CDH18: variants seen among roughly 807,000 people sequenced by gnomAD.
CDH18 encodes the protein cadherin-18.
CDH18 carries 31 observed loss-of-function variants against 67.9 expected under a neutral mutation model. The observed-to-expected ratio is 0.46, with a 90% CI of 0.34 to 0.62. The LOEUF is 0.62. Among genes scored for constraint, CDH18 ranks in the 20% least tolerant of loss-of-function variants. CDH18 has a pLI of 0.01. For synonymous variants in CDH18, 362 were observed against 347.2 expected (o/e 1.04, Z -0.48); for missense variants, 890 against 975.5 (o/e 0.91, Z 1.17).
chr5:20,058,221 A>C (rs528163241), intron 2 of CDH18, among the ~76,000 whole-genome samples: 5 of 152,158 alleles, frequency 3.3e-5, no homozygotes, highest in Non-Finnish European at 7.4e-5. Context: ...ACTATCTTTA[A>C]GCACAAAAAA....
intron 2 of CDH18, among the ~76,000 whole-genome samples, chr5:20,244,799 T>C (rs1743250123): frequency 6.6e-6 from 1 of 152,070 alleles, no homozygotes; most frequent in African/African-American, 2.4e-5. Flanking sequence ...TGCATTCAAC[T>C]TGAAAAATTA....
intron 2 of CDH18, among the ~76,000 whole-genome samples, chr5:19,972,723 T>C (rs1798143458): frequency 6.6e-6 from 1 of 151,968 alleles, no homozygotes; most frequent in Non-Finnish European, 1.5e-5. Context: ...TCTTTATCTA[T>C]TAAAGCTGAA....
At chr5:19,932,081 G>T (rs1351246942) in intron 2 of CDH18, among the ~76,000 whole-genome samples, 1 of 151,724 alleles carries the variant, frequency 6.6e-6, no homozygotes, top group African/African-American at 2.4e-5. Flanking sequence ...TGAACTAAAA[G>T]AAAAAGTTGA....
chr5:20,330,524 AG>A (rs1561977584), intron 1 of CDH18, among the ~76,000 whole-genome samples: 1 of 152,164 alleles, frequency 6.6e-6, no homozygotes, highest in Non-Finnish European at 1.5e-5. Flanking sequence ...GAGTTAGGCG[AG>A]TGGGCTCATG....
chr5:19,839,131 C>T lies in CDH18; in HGVS notation c.-145G>A. 1 of 629,746 alleles carries T rather than the reference C, an allele frequency of 1.6e-6. No individual in the cohort carries two copies. The highest frequency in any genetic ancestry group is 2.8e-6 in the Non-Finnish European group (1 of 354,666). The allele number at this position is 629,746 out of a possible 1,614,324, so 39.0% of individuals were successfully genotyped here. The stretch of plus-strand genomic sequence containing the variant: ...TTAGCGTGTCCATGATTTAACTGTC[C>T]ATCAGGGAAAGGTCAGATCATATTT... On this transcript the variant is annotated 5_prime_UTR_variant, in exon 3 of 13. It removes an upstream start codon present in the reference 5' UTR. Coordinates refer to ENST00000382275, the MANE Select transcript of CDH18 (RefSeq NM_004934.5).
At chr5:19,718,979 C>A (rs779147340) in intron 5 of CDH18, among the ~76,000 whole-genome samples, 109 of 151,938 alleles carry the variant, frequency 7.2e-4, no homozygotes, top group Non-Finnish European at 1.2e-3. Context: ...TATTTGCTTC[C>A]CCCAAATCAC....
chr5:19,823,333 T>G (rs1780074410), intron 3 of CDH18, among the ~76,000 whole-genome samples: 1 of 152,140 alleles, frequency 6.6e-6, no homozygotes, highest in Admixed American at 6.5e-5. Flanking sequence ...GGGGAAGTGA[T>G]AAGTGTCCAT....
Position 19,925,405 on chromosome 5 carries a change from G to T in CDH18, c.-257+55655C>A, listed in dbSNP as rs374441741. On this transcript the variant is annotated intron_variant, in intron 2 of 12. Coordinates refer to ENST00000382275, the MANE Select transcript of CDH18 (RefSeq NM_004934.5). ...AAAATGATGAAAAATATGCAAGAAC[G>T]CAAGACATCACTTTTTACTGTGATC... Among the ~76,000 whole-genome samples the T allele has an allele frequency of 6.8e-4, 104 of 152,268 alleles. No individual in the cohort carries two copies. The South Asian group carries it at 0.019, about 28-fold the overall frequency.
chr5:19,567,674 C>T (rs1740664057), intron 8 of CDH18, among the ~76,000 whole-genome samples: 1 of 152,002 alleles, frequency 6.6e-6, no homozygotes, highest in Admixed American at 6.6e-5. Flanking sequence ...AATTATGTCC[C>T]CAAACAGCAG....
intron 2 of CDH18, among the ~76,000 whole-genome samples, chr5:20,135,095 T>C (rs1264570448): frequency 6.6e-6 from 1 of 152,060 alleles, no homozygotes; most frequent in African/African-American, 2.4e-5. Context: ...ATCCAGGCAA[T>C]GAGAAAGTGC....
chr5:20,258,906 G>T (rs1192391333), intron 1 of CDH18, among the ~76,000 whole-genome samples: 5 of 152,086 alleles, frequency 3.3e-5, no homozygotes, highest in Admixed American at 1.3e-4. Context: ...TCAAACCCTA[G>T]TTAAAACCTT....
At chr5:19,774,187 T>C (rs1209026508) in intron 3 of CDH18, among the ~76,000 whole-genome samples, 2 of 152,048 alleles carry the variant, frequency 1.3e-5, no homozygotes, top group Non-Finnish European at 2.9e-5. Flanking sequence ...TTTTGGAGCC[T>C]GGGCAGAAAT....
At chr5:20,564,603 G>T (rs1192512298) in intron 1 of CDH18, among the ~76,000 whole-genome samples, 1 of 152,028 alleles carries the variant, frequency 6.6e-6, no homozygotes, top group African/African-American at 2.4e-5. Flanking sequence ...CTCTTTTCAG[G>T]TTTAGCAATG....
chr5:20,007,942 T>C (rs1415560215), intron 2 of CDH18, among the ~76,000 whole-genome samples: 1 of 152,026 alleles, frequency 6.6e-6, no homozygotes, highest in African/African-American at 2.4e-5. Flanking sequence ...TTGAGTAGTT[T>C]TGACAGAGAC....
chr5:20,565,542 G>C (rs1254442567), intron 1 of CDH18, among the ~76,000 whole-genome samples: 1 of 151,990 alleles, frequency 6.6e-6, no homozygotes, highest in Admixed American at 6.6e-5. Flanking sequence ...CAACTTGACT[G>C]CTGTGGAGGG....
At chr5:20,006,067 A>G (rs549343726) in intron 2 of CDH18, among the ~76,000 whole-genome samples, 1 of 152,004 alleles carries the variant, frequency 6.6e-6, no homozygotes, top group Non-Finnish European at 1.5e-5. Flanking sequence ...AACATATAAC[A>G]CACTACATAA....
In CDH18 at chr5:19,473,537, G is replaced by T. The variant is rs1241315753; in HGVS notation, c.2062C>A (p.Arg688=). 2.5e-6 allele frequency: 4 copies of T among 1,613,798 alleles called. No homozygotes were observed. Among genetic ancestry groups the T allele is most frequent in the Admixed American group, 3.3e-5 (2 of 59,956 alleles). ...TTCACTTCAGGTCTGATATCCCTCC[G>T]GTACTTGAGCTCCTCAGCAGCAGAA... is the stretch of plus-strand genomic sequence containing the variant. ...NPSAAEELKY[R]RDIRPEVKLT... is the part of the protein sequence containing the mutation. Residue 688 remains arginine, a synonymous_variant, in exon 13 of 13, where the codon CGG becomes AGG. Coordinates refer to ENST00000382275, the MANE Select transcript of CDH18 (RefSeq NM_004934.5).
intron 2 of CDH18, among the ~76,000 whole-genome samples, chr5:20,202,010 G>A (rs1334397331): frequency 6.6e-6 from 1 of 152,160 alleles, no homozygotes; most frequent in African/African-American, 2.4e-5. Context: ...ACAGTAGTAT[G>A]ATACTAAAAT....
chr5:20,417,985 A>G (rs1747465779), intron 1 of CDH18, among the ~76,000 whole-genome samples: 1 of 152,230 alleles, frequency 6.6e-6, no homozygotes, highest in Non-Finnish European at 1.5e-5. Flanking sequence ...GGAGGATTAT[A>G]GTTTTAGATT....
Sources: allele counts gnomAD v4.1 joint callset (sites outside exome capture counted in the v4.1 genomes callset), GRCh38; gene constraint gnomAD v4.1.1; transcripts MANE v1.5; gene names NCBI Gene and HGNC (gene_info 2026-07-23, HGNC 2026-07-21).